DNTTIP2: variants seen among roughly 807,000 people sequenced by gnomAD.
DNTTIP2 encodes deoxynucleotidyltransferase terminal interacting protein 2, also known as deoxynucleotidyltransferase terminal-interacting protein 2.
In DNTTIP2, 47 loss-of-function variants were observed where a neutral mutation model predicts 62.4. That is an observed-to-expected ratio of 0.75 (90% CI 0.60 to 0.96). The LOEUF is 0.96. Among genes scored for constraint, DNTTIP2 ranks in the 40% least tolerant of loss-of-function variants. The pLI, the probability that DNTTIP2 is intolerant of heterozygous loss-of-function variation, is 0.00. For missense variants in DNTTIP2, 870 were observed against 849.1 expected (o/e 1.02, Z -0.31); for synonymous variants, 322 against 300.9 (o/e 1.07, Z -0.73).
intron 6 of DNTTIP2, 26 bp from the exon 7 acceptor site, chr1:93,869,970 T>C (rs758577125): frequency 2.6e-6 from 2 of 771,338 alleles, no homozygotes; most frequent in Non-Finnish European, 4.8e-6. Context: ...CAGAACTTTA[T>C]GTTTGATATA....
Position 93,868,793 on chromosome 1 carries a change from G to C in DNTTIP2, c.*1058C>G, listed in dbSNP as rs1419920786. The stretch of plus-strand genomic sequence containing the variant: ...TGCATGTTCTTACTCGTAAGTGGGA[G>C]GTAAACAATGAGAACACATGGACAC... On this transcript the variant is annotated 3_prime_UTR_variant, in exon 7 of 7. Coordinates refer to ENST00000436063, the MANE Select transcript of DNTTIP2 (RefSeq NM_014597.5). The C allele has an allele frequency of 6.6e-6, 1 of 152,036 alleles. No homozygotes were observed. The highest frequency in any genetic ancestry group is 1.9e-4 in the East Asian group (1 of 5,172). The allele number at this position is 152,036 out of a possible 1,614,324, so 9.4% of individuals were successfully genotyped here.
chr1:93,876,257 GAA>G lies in DNTTIP2; in HGVS notation c.1667+9_1667+10del. ...GTATCAAAAACTTATAAAAATAAAG[GAA>G]AAACTTACAGTTTAGCCTTTGTGCT... On this transcript the variant is annotated intron_variant, in intron 2 of 6. Transcript: ENST00000436063. The G allele has an allele frequency of 6.7e-7, 1 of 1,486,966 alleles. No individual in the cohort carries two copies. The highest frequency in any genetic ancestry group is 1.4e-5 in the South Asian group (1 of 72,902). The allele number at this position is 1,486,966 out of a possible 1,614,324, so 92.1% of individuals were successfully genotyped here. A position where few individuals can be genotyped will look rare whatever the true frequency, so the allele number is the denominator to read the frequency against.
chr1:93,872,382 G>A, intron 4 of DNTTIP2, 146 bp from the exon 5 acceptor site: 1 of 755,910 alleles, frequency 1.3e-6, no homozygotes, highest in South Asian at 2.1e-5. Flanking sequence ...CAGAATCATA[G>A]AGATAAAAGG....
rs543054969 is a variant in DNTTIP2 at position 93,868,790 on chromosome 1, G to A, written c.*1061C>T. ...CACTGCATGTTCTTACTCGTAAGTGGGAGGTAAACAATGAGAACACATGGA... is the reference window on the plus strand; with the variant it reads ...CACTGCATGTTCTTACTCGTAAGTGAGAGGTAAACAATGAGAACACATGGA... On this transcript the variant is annotated 3_prime_UTR_variant, in exon 7 of 7. Coordinates refer to ENST00000436063, the MANE Select transcript of DNTTIP2 (RefSeq NM_014597.5). The A allele has an allele frequency of 2.0e-5, 3 of 152,212 alleles. No individual in the cohort carries two copies. Among genetic ancestry groups the A allele is most frequent in the Non-Finnish European group, 4.4e-5 (3 of 68,012 alleles). 9.4% of individuals were successfully genotyped at this position (152,212 alleles called of 1,614,324 possible).
intron 3 of DNTTIP2, among the ~76,000 whole-genome samples, chr1:93,873,805 T>C (rs1655931558): frequency 6.6e-6 from 1 of 152,180 alleles, no homozygotes. Flanking sequence ...CAAATCTGTT[T>C]ATCTTTTCCT....
Position 93,877,672 on chromosome 1 carries a change from G to C in DNTTIP2, c.263C>G (p.Ser88Cys), listed in dbSNP as rs749642901. ...CACAGAATAATTTGACTCTGCCTCA[G>C]AGGTTTCTCCATCCGTAGATGGTTC... ...GTEPSTDGETSEAESNYSVSE... is the reference protein window; with the variant it reads ...GTEPSTDGETCEAESNYSVSE... Residue 88 changes from serine to cysteine, a missense_variant, in exon 2 of 7, where the codon TCT becomes TGT. Ser to Cys is a moderately radical substitution (Grantham distance 112). Transcript: ENST00000436063. The C allele has an allele frequency of 1.2e-6, 2 of 1,613,950 alleles. No homozygotes were observed. Among genetic ancestry groups the C allele is most frequent in the Non-Finnish European group, 1.7e-6 (2 of 1,179,880 alleles).
At position 93,867,627 on chromosome 1, in the gene DNTTIP2, C is replaced by T. The variant is rs1430684475; in HGVS notation, c.*2224G>A. 6.6e-6 allele frequency: 1 copy of T among 150,730 alleles called. No individual in the cohort carries two copies. Among genetic ancestry groups the T allele is most frequent in the Non-Finnish European group, 1.5e-5 (1 of 67,796 alleles). The allele number at this position is 150,730 out of a possible 1,614,324, so 9.3% of individuals were successfully genotyped here. A position where few individuals can be genotyped will look rare whatever the true frequency, so the allele number is the denominator to read the frequency against. ...AGTAGGTGAACTGAGTTTAGTGACA[C>T]AGGCCAAAGTCAGTAAAACCTGTTT... On this transcript the variant is annotated 3_prime_UTR_variant, in exon 7 of 7. Transcript: ENST00000436063.
intron 3 of DNTTIP2, among the ~76,000 whole-genome samples, 178 bp downstream of exon 3, chr1:93,875,467 T>C (rs1655976016): frequency 6.6e-6 from 1 of 152,234 alleles, no homozygotes; most frequent in Non-Finnish European, 1.5e-5. Context: ...TTTTAAAGCA[T>C]TATCATTCAT....
In DNTTIP2 at chr1:93,877,454, T is replaced by C. The variant is rs1481034006; in HGVS notation, c.481A>G (p.Thr161Ala). The change falls in exon 2 of 7, where the codon ACA becomes GCA. Residue 161 changes from threonine to alanine, a missense_variant. Physicochemically the swap from Thr to Ala is moderately conservative, Grantham distance 58. Transcript: ENST00000436063. ...SRIVLPTEKT[T>A]GARRSKAKSL... ...TTAGCCTTACTTCTTCTGGCTCCTG[T>C]AGTTTTTTCTGTAGGAAGCACAATT... 4 of 1,613,916 alleles carry C rather than the reference T, an allele frequency of 2.5e-6. No individual in the cohort carries two copies. Among genetic ancestry groups the C allele is most frequent in the Non-Finnish European group, 3.4e-6 (4 of 1,179,886 alleles).
intron 1 of DNTTIP2, 69 bp downstream of exon 1, chr1:93,879,008 T>C (rs1571187387): frequency 1.3e-6 from 2 of 1,585,886 alleles, no homozygotes; most frequent in Non-Finnish European, 1.7e-6. Context: ...ACCGGACCCT[T>C]GCGCCGCCCC....
chr1:93,876,686 T>G lies in DNTTIP2; in HGVS notation c.1249A>C (p.Asn417His), dbSNP rs1656016664. The G allele has an allele frequency of 6.2e-7, 1 of 1,614,020 alleles. No homozygotes were observed. Among genetic ancestry groups the G allele is most frequent in the Non-Finnish European group, 8.5e-7 (1 of 1,179,880 alleles). ...TTGGTATCACATTCAAAATCTACAT[T>G]CCCTTCACTGTTCATGTCTTCACTG... ...SVSEDMNSEG[N>H]VDFECDTKLY... Residue 417 changes from asparagine (N) to histidine (H), a missense_variant, in exon 2 of 7, where the codon AAT (asparagine) becomes CAT (histidine). Asn to His is a moderately conservative substitution (Grantham distance 68). Transcript: ENST00000436063.
Position 93,876,366 on chromosome 1 carries a change from TTCC to T in DNTTIP2, c.1566_1568del (p.Glu524del). 2 of 1,569,108 alleles carry T rather than the reference TTCC, an allele frequency of 1.3e-6. No individual in the cohort carries two copies. Among genetic ancestry groups the T allele is most frequent in the Non-Finnish European group, 8.7e-7 (1 of 1,155,608 alleles). ...AATCTTCTTCACTTTTTTCATCCTC[TTCC>T]TCTTCTTTTTCTTCCTCAATGGCAA... On this transcript the variant is annotated inframe_deletion, in exon 2 of 7. Transcript: ENST00000436063.
rs747502594 is a variant in DNTTIP2, at chr1:93,876,658, A to G, written c.1277T>C (p.Leu426Pro). 1 of 1,614,054 alleles carries G rather than the reference A, an allele frequency of 6.2e-7. No homozygotes were observed. The highest frequency in any genetic ancestry group is 8.5e-7 in the Non-Finnish European group (1 of 1,179,894). The change falls in exon 2 of 7, where the codon CTA becomes CCA. Residue 426 changes from leucine (L) to proline (P), a missense_variant. Coordinates refer to ENST00000436063, the MANE Select transcript of DNTTIP2 (RefSeq NM_014597.5). ...GNVDFECDTK[L>P]YTSAPNTSQG... The stretch of plus-strand genomic sequence containing the variant: ...AGATGTGTTGGGCGCAGACGTGTAT[A>G]GTTTGGTATCACATTCAAAATCTAC...
intron 1 of DNTTIP2, 100 bp downstream of exon 1, chr1:93,878,977 G>T: frequency 6.8e-7 from 1 of 1,460,598 alleles, no homozygotes; most frequent in Non-Finnish European, 9.1e-7. Context: ...GGTCCTCTCT[G>T]TCGGCAGGTC....
rs981784053 is a variant in DNTTIP2 at position 93,867,683 on chromosome 1, C to T, written c.*2168G>A. 7.9e-5 allele frequency: 12 copies of T among 151,626 alleles called. No homozygotes were observed. The highest frequency in any genetic ancestry group is 2.7e-4 in the African/African-American group (11 of 41,234). The allele number at this position is 151,626 out of a possible 1,614,324, so 9.4% of individuals were successfully genotyped here. On this transcript the variant is annotated 3_prime_UTR_variant, in exon 7 of 7. Transcript: ENST00000436063. ...AAGACTTGCTTATTAAAAAGCAAAA[C>T]ATAACTTCATCCATTATTTAAATAT...
rs1655728724 is a variant in DNTTIP2, at chr1:93,866,540, T to TC, written c.*3310dup. 1.3e-5 allele frequency: 2 copies of TC among 152,208 alleles called. No homozygotes were observed. Among genetic ancestry groups the TC allele is most frequent in the East Asian group, 1.9e-4 (1 of 5,200 alleles). The allele number at this position is 152,208 out of a possible 1,614,324, so 9.4% of individuals were successfully genotyped here. A position where few individuals can be genotyped will look rare whatever the true frequency, so the allele number is the denominator to read the frequency against. ...TCTCTCAGAAATGTTAACTTTTTTT[T>TC]CCCATTATGGTATTTTCTTTAACTT... On this transcript the variant is annotated 3_prime_UTR_variant, in exon 7 of 7. Transcript: ENST00000436063.
chr1:93,870,750 G>A lies in DNTTIP2; in HGVS notation c.2110C>T (p.Arg704Ter). ...VDNPADFYHS[R>*]IPKKQRKRTI... ...CTTTTCCTTTGCTTCTTGGGAATTCGTGAATGGTAGAAATCAGCTGGATTG... is the reference window on the plus strand; with the variant it reads ...CTTTTCCTTTGCTTCTTGGGAATTCATGAATGGTAGAAATCAGCTGGATTG... The change falls in exon 6 of 7, where the codon CGA becomes TGA. Residue 704 changes from arginine to a stop codon, truncating the protein, a stop_gained. Coordinates refer to ENST00000436063, the MANE Select transcript of DNTTIP2 (RefSeq NM_014597.5). LOFTEE classifies it high-confidence loss of function. 6.4e-7 allele frequency: 1 copy of A among 1,569,432 alleles called. No individual in the cohort carries two copies. Among genetic ancestry groups the A allele is most frequent in the Non-Finnish European group, 8.7e-7 (1 of 1,154,212 alleles).
Position 93,876,826 on chromosome 1 carries a change from A to C in DNTTIP2, c.1109T>G (p.Val370Gly), listed in dbSNP as rs1277451303. ...MKSLTQTFAT[V>G]EVGRWNNNKK... ...GTTGTTATTCCATCTGCCTACTTCC[A>C]CAGTTGCAAATGTTTGAGTTAATGA... The change falls in exon 2 of 7, where the codon GTG becomes GGG. Residue 370 changes from valine (V) to glycine (G), a missense_variant. Physicochemically the swap from Val to Gly is moderately radical, Grantham distance 109. Transcript: ENST00000436063. The C allele has an allele frequency of 6.2e-7, 1 of 1,613,900 alleles. No individual in the cohort carries two copies. Among genetic ancestry groups the C allele is most frequent in the South Asian group, 1.1e-5 (1 of 91,082 alleles).
chr1:93,876,406 T>C lies in DNTTIP2; in HGVS notation c.1529A>G (p.Lys510Arg), dbSNP rs781338228. The C allele has an allele frequency of 5.0e-6, 8 of 1,608,296 alleles. No individual in the cohort carries two copies. The highest frequency in any genetic ancestry group is 5.9e-6 in the Non-Finnish European group (7 of 1,176,702). Reference sequence around the variant, plus strand: ...TTCCTCAATGGCAACCTCACTTGCCTTGTCTTCCTCTTCCAAGTAAAAATT... The same window carrying C: ...TTCCTCAATGGCAACCTCACTTGCCCTGTCTTCCTCTTCCAAGTAAAAATT... ...DKNFYLEEED[K>R]ASEVAIEEEK... is the part of the protein sequence containing the mutation. Residue 510 changes from lysine to arginine, a missense_variant, in exon 2 of 7, where the codon AAG becomes AGG. By Grantham distance (26) the Lys-to-Arg change is conservative. Transcript: ENST00000436063.
Sources: gnomAD v4.1 joint callset for allele counts (sites outside exome capture counted in the v4.1 genomes callset) on GRCh38, gnomAD v4.1.1 for gene constraint, MANE v1.5 for transcripts, NCBI Gene and HGNC (gene_info 2026-07-23, HGNC 2026-07-21) for gene names.